The following ARK2C variants were observed in gnomAD, a reference collection of about 807,000 sequenced individuals.
The protein encoded by ARK2C is E3 ubiquitin-protein ligase ARK2C.
the ARK2C span, among the ~76,000 whole-genome samples, chr18:46,443,437 T>C: frequency 1.3e-5 from 2 of 152,226 alleles, no homozygotes; most frequent in African/African-American, 4.8e-5. Flanking sequence ...AACAGCATAC[T>C]TCCATTACCC....
chr18:46,361,463 G>A, the ARK2C span, among the ~76,000 whole-genome samples: 115 of 152,280 alleles, frequency 7.6e-4, no homozygotes, highest in African/African-American at 2.7e-3. Context: ...ATGATCCAGT[G>A]TCCAAAAAAA....
At chr18:46,398,095 C>T in the ARK2C span, among the ~76,000 whole-genome samples, 86 of 69,648 alleles carry the variant, frequency 1.2e-3, no homozygotes, top group African/African-American at 1.8e-3. Context: ...AGGGTGTGTG[C>T]GCATGTGGTG....
chr18:46,349,773 A>T, the ARK2C span, among the ~76,000 whole-genome samples: 3 of 151,902 alleles, frequency 2.0e-5, no homozygotes, highest in Admixed American at 6.6e-5. Context: ...CTAGTTGGGC[A>T]CCCCTTGCCC....
At chr18:46,384,147 C>T in the ARK2C span, among the ~76,000 whole-genome samples, 1 of 152,230 alleles carries the variant, frequency 6.6e-6, no homozygotes, top group Non-Finnish European at 1.5e-5. Context: ...AGGGCTTTTA[C>T]TGTCCAAGAC....
the ARK2C span, among the ~76,000 whole-genome samples, chr18:46,368,725 C>A: frequency 2.7e-4 from 41 of 152,312 alleles, no homozygotes; most frequent in African/African-American, 9.9e-4. Flanking sequence ...GCGTAGTGGT[C>A]AGGGTTAGAG....
At chr18:46,457,777 T>A in the ARK2C span, 2 of 152,764 alleles carry the variant, frequency 1.3e-5, no homozygotes, top group Admixed American at 6.5e-5. Context: ...GGCTGCTTGG[T>A]CTTGGCCACA....
At chr18:46,377,896 C>G in the ARK2C span, among the ~76,000 whole-genome samples, 2 of 152,064 alleles carry the variant, frequency 1.3e-5, no homozygotes, top group Non-Finnish European at 2.9e-5. Context: ...GAGGGTAGGA[C>G]TTGGCATCAC....
the ARK2C span, among the ~76,000 whole-genome samples, chr18:46,364,946 G>C: frequency 6.6e-6 from 1 of 152,108 alleles, no homozygotes; most frequent in Non-Finnish European, 1.5e-5. Flanking sequence ...CTGGCCCTCT[G>C]GTCCCAGCTG....
chr18:46,444,071 C>G, the ARK2C span, among the ~76,000 whole-genome samples: 10 of 151,890 alleles, frequency 6.6e-5, no homozygotes, highest in African/African-American at 2.4e-4. Context: ...TGCATAGGTG[C>G]CATTCCTTTG....
chr18:46,390,948 C>T, the ARK2C span, among the ~76,000 whole-genome samples: 9 of 152,168 alleles, frequency 5.9e-5, no homozygotes, highest in Non-Finnish European at 1.3e-4. Context: ...TTGACCTGCA[C>T]CTCTACCATC....
the ARK2C span, chr18:46,460,383 A>T: frequency 6.6e-6 from 1 of 152,492 alleles, no homozygotes; most frequent in East Asian, 1.9e-4. Context: ...TGAAAAAAAA[A>T]ACACAAAAAA....
chr18:46,343,539 G>T, the ARK2C span, among the ~76,000 whole-genome samples: 1 of 152,218 alleles, frequency 6.6e-6, no homozygotes, highest in African/African-American at 2.4e-5. Context: ...GGCCATGTGG[G>T]ACAGTGGAAA....
chr18:46,372,553 T>C, the ARK2C span, among the ~76,000 whole-genome samples: 1 of 152,120 alleles, frequency 6.6e-6, no homozygotes, highest in African/African-American at 2.4e-5. Flanking sequence ...GTTGGAGGCC[T>C]GGAAGGGAGT....
chr18:46,383,747 G>A, the ARK2C span, among the ~76,000 whole-genome samples: 1 of 151,770 alleles, frequency 6.6e-6, no homozygotes, highest in African/African-American at 2.4e-5. Flanking sequence ...ATACAGACGG[G>A]GTTTCACCGT....
chr18:46,361,539 CCA>C, the ARK2C span, among the ~76,000 whole-genome samples: 1 of 152,226 alleles, frequency 6.6e-6, no homozygotes, highest in Admixed American at 6.5e-5. Context: ...CGGTTCCCCT[CCA>C]CAGTTTCTTT....
chr18:46,380,550 G>A, the ARK2C span, among the ~76,000 whole-genome samples: 3,734 of 152,312 alleles, frequency 0.025, 59 homozygotes, highest in South Asian at 0.068. Context: ...AGGCGCTTGC[G>A]TTTCCTCAGG....
At chr18:46,398,837 G>T in the ARK2C span, among the ~76,000 whole-genome samples, 17 of 152,014 alleles carry the variant, frequency 1.1e-4, no homozygotes, top group African/African-American at 3.9e-4. Flanking sequence ...GCTGGCTTCT[G>T]CCCTCTCTCG....
At chr18:46,431,832 C>T in the ARK2C span, among the ~76,000 whole-genome samples, 2 of 152,338 alleles carry the variant, frequency 1.3e-5, no homozygotes, top group South Asian at 2.1e-4. Flanking sequence ...TCCAAAGTAG[C>T]CACTGCCTCC....
the ARK2C span, among the ~76,000 whole-genome samples, chr18:46,348,314 G>A: frequency 6.6e-6 from 1 of 152,154 alleles, no homozygotes; most frequent in Non-Finnish European, 1.5e-5. Flanking sequence ...GGGGACTGAT[G>A]GCATGCAGGG....
Sources: allele counts gnomAD v4.1 joint callset (sites outside exome capture counted in the v4.1 genomes callset), GRCh38; gene constraint gnomAD v4.1.1; transcripts MANE v1.5; gene names NCBI Gene and HGNC (gene_info 2026-07-23, HGNC 2026-07-21).